SPTBN5: variants seen among roughly 807,000 people sequenced by gnomAD.
The protein encoded by SPTBN5 is spectrin beta chain, non-erythrocytic 5.
SPTBN5 carries 513 observed loss-of-function variants against 477.6 expected under a neutral mutation model. The ratio of observed to expected loss-of-function variants is 1.07; its 90% CI spans 1.00 to 1.16. SPTBN5 has a LOEUF of 1.16. SPTBN5 is among the 50% of genes most tolerant of loss of function. The probability of loss-of-function intolerance (pLI) is 0.00; values close to 1 mark genes in which losing one functional copy is unlikely to be tolerated. For missense variants in SPTBN5, 5,062 were observed against 4,731.8 expected (o/e 1.07, Z -2.05); for synonymous variants, 2,169 against 2,011.7 (o/e 1.08, Z -2.09).
Position 41,883,116 on chromosome 15 carries a change from T to C in SPTBN5, c.1772A>G (p.His591Arg), listed in dbSNP as rs2067030693. The C allele has an allele frequency of 1.9e-6, 3 of 1,611,970 alleles. No homozygotes were observed. The highest frequency in any genetic ancestry group is 2.5e-6 in the Non-Finnish European group (3 of 1,179,418). ...QVSAHGAHVS[H>R]LAQQTAELDS... is the part of the protein sequence containing the mutation. ...CAGCTCTGCTGTCTGCTGAGCAAGA[T>C]GGCTCACATGGGCTCCGTGGGCCGA... Residue 591 changes from histidine (H) to arginine (R), a missense_variant, in exon 9 of 68, where the codon CAT (histidine) becomes CGT (arginine). Physicochemically the swap from His to Arg is conservative, Grantham distance 29 (BLOSUM62 0). Coordinates refer to ENST00000320955, the MANE Select transcript of SPTBN5 (RefSeq NM_016642.4).
chr15:41,861,419 C>T lies in SPTBN5; in HGVS notation c.7815G>A (p.Trp2605Ter), dbSNP rs199711572. The change falls in exon 46 of 68, where the codon TGG becomes TGA. Residue 2605 changes from tryptophan to a stop codon, truncating the protein, a stop_gained and splice_region_variant. Coordinates refer to ENST00000320955, the MANE Select transcript of SPTBN5 (RefSeq NM_016642.4). LOFTEE classifies it high-confidence loss of function. ...KEDSLASEGLWDPLAPMEPLL... is the reference protein window; with the variant it reads ...KEDSLASEGL ...CTGCCCATTCCTGCTGGGCACCTACCCATAGACCCTCACTGGCTAGGGAGT... is the reference window on the plus strand; with the variant it reads ...CTGCCCATTCCTGCTGGGCACCTACTCATAGACCCTCACTGGCTAGGGAGT... 5.4e-4 allele frequency: 877 copies of T among 1,613,140 alleles called. 2 individuals are homozygous for T. Among genetic ancestry groups the T allele is most frequent in the Non-Finnish European group, 5.9e-4 (693 of 1,179,482 alleles).
chr15:41,893,101 C>T, intron 2 of SPTBN5, 40 bp from the exon 3 acceptor site: 10 of 1,597,222 alleles, frequency 6.3e-6, no homozygotes, highest in Non-Finnish European at 8.5e-6. Context: ...TCAGCCCAGC[C>T]TCACCTGTCC....
Position 41,870,324 on chromosome 15 carries a change from C to T in SPTBN5, c.5592G>A (p.Val1864=). Reference sequence around the variant, plus strand: ...CCTCCAGCCCACACAGGTCCCGTGCCACATTGTTGGGGAGGCTCGTGGCTT... The same window carrying T: ...CCTCCAGCCCACACAGGTCCCGTGCTACATTGTTGGGGAGGCTCGTGGCTT... ...QEKATSLPNN[V]ARDLCGLEAQ... The change falls in exon 31 of 68, where the codon GTG becomes GTA. Residue 1864 remains valine, a synonymous_variant. Transcript: ENST00000320955. The T allele has an allele frequency of 6.4e-7, 1 of 1,568,754 alleles. No individual in the cohort carries two copies. Among genetic ancestry groups the T allele is most frequent in the Non-Finnish European group, 8.6e-7 (1 of 1,156,986 alleles).
rs1410150541 is a variant in SPTBN5, at chr15:41,868,611, G to A, written c.5854-10C>T. On this transcript the variant is annotated splice_polypyrimidine_tract_variant and intron_variant, in intron 32 of 67. Transcript: ENST00000320955. ...AGGCATAGTCACGCACCTGATCCCG[G>A]GGACACGGAGGGAGAGCCGGGTGAG... 3 of 1,596,558 alleles carry A rather than the reference G, an allele frequency of 1.9e-6. No homozygotes were observed. The highest frequency in any genetic ancestry group is 3.3e-5 in the Admixed American group (2 of 59,940).
chr15:41,861,854 C>G lies in SPTBN5; in HGVS notation c.7618G>C (p.Gly2540Arg). ...CGAATGTCGGAGCTGAAGGGGTGCC[C>G]CGCTGTGAGCAGTTGCTGCCCAGTG... The part of the protein sequence containing the change: ...RSTGQQLLTA[G>R]HPFSSDIRQV... The change falls in exon 45 of 68, where the codon GGG becomes CGG. Residue 2540 changes from glycine (G) to arginine (R), a missense_variant. By Grantham distance (125) the Gly-to-Arg change is moderately radical (BLOSUM62 -2). Transcript: ENST00000320955. 6.2e-7 allele frequency: 1 copy of G among 1,607,974 alleles called. No individual in the cohort carries two copies. The highest frequency in any genetic ancestry group is 8.5e-7 in the Non-Finnish European group (1 of 1,179,436).
chr15:41,892,299 A>C (rs1595521338), intron 3 of SPTBN5, among the ~76,000 whole-genome samples: 2 of 148,806 alleles, frequency 1.3e-5, no homozygotes, highest in African/African-American at 2.5e-5. Context: ...CCTTTGCCCC[A>C]CCCCACCCCT....
In SPTBN5 at chr15:41,853,398, C is replaced by G. The variant is rs2065837331; in HGVS notation, c.10030G>C (p.Glu3344Gln). 1 of 1,606,644 alleles carries G rather than the reference C, an allele frequency of 6.2e-7. No homozygotes were observed. The change falls in exon 59 of 68, where the codon GAG becomes CAG. Residue 3344 changes from glutamate to glutamine, a missense_variant. By Grantham distance (29) the Glu-to-Gln change is conservative (BLOSUM62 2). Coordinates refer to ENST00000320955, the MANE Select transcript of SPTBN5 (RefSeq NM_016642.4). ...QELASSEELA[E>Q]DVAGAEQLLG... ...AGCTGCTCAGCCCCCGCCACGTCCT[C>G]AGCCAGCTCCTCGGAGGACGCCAGC...
rs1340006377 is a variant in SPTBN5, at chr15:41,892,893, C to T, written c.384+1G>A. The T allele has an allele frequency of 6.3e-7, 1 of 1,598,360 alleles. No individual in the cohort carries two copies. ...CCCAGACCCCTTTCCCTGGGGCCCA[C>T]CTTGGCCCTGAGGAAGGCCAGAGCT... On this transcript the variant is annotated splice_donor_variant, in intron 3 of 67. Transcript: ENST00000320955. LOFTEE classifies it high-confidence loss of function.
At chr15:41,849,988 G>A (rs540283992) in intron 66 of SPTBN5, 29 bp from the exon 67 acceptor site, 178 of 1,542,474 alleles carry the variant, frequency 1.2e-4, no homozygotes, top group Non-Finnish European at 1.5e-4. Flanking sequence ...ACCACTGTTA[G>A]CCCGGCCCAG....
rs1244776886 is a variant in SPTBN5 at position 41,852,720 on chromosome 15, C to T, written c.10363G>A (p.Val3455Met). ...KPDYGHSVSD[V>M]ELLLHRHQDL... ...TGGTGTCTGTGCAGCAGCAACTCCA[C>T]ATCTGACACTGAGTGCTGGGGAGAA... Residue 3455 changes from valine to methionine, a missense_variant, in exon 61 of 68, where the codon GTG (valine) becomes ATG (methionine). Transcript: ENST00000320955. The T allele has an allele frequency of 4.3e-6, 7 of 1,613,168 alleles. No individual in the cohort carries two copies. In the Admixed American group the frequency reaches 1.0e-4, roughly 23 times the overall value.
intron 4 of SPTBN5, among the ~76,000 whole-genome samples, chr15:41,888,319 C>T (rs2067216673): frequency 1.3e-5 from 2 of 152,230 alleles, no homozygotes; most frequent in African/African-American, 2.4e-5. Flanking sequence ...AGGGAAAAGC[C>T]GTCACTGCAG....
rs535059961 is a variant in SPTBN5 at position 41,851,098 on chromosome 15, A to G, written c.10796T>C (p.Leu3599Pro). The change falls in exon 65 of 68, where the codon CTG becomes CCG. Residue 3599 changes from leucine to proline, a missense_variant. By Grantham distance (98) the Leu-to-Pro change is moderately conservative. Coordinates refer to ENST00000320955, the MANE Select transcript of SPTBN5 (RefSeq NM_016642.4). ...GTGTTTCCTGCCGTGGCGGCCCCGC[A>G]GCCTCTCACACCGGGCTCCCGTGAG... is the stretch of plus-strand genomic sequence containing the variant. ...LDLTGARCER[L>P]RGRHGRKHTF... 1 of 1,613,144 alleles carries G rather than the reference A, an allele frequency of 6.2e-7. No homozygotes were observed. Among genetic ancestry groups the G allele is most frequent in the African/African-American group, 1.3e-5 (1 of 75,068 alleles).
Position 41,879,339 on chromosome 15 carries a change from A to G in SPTBN5, c.3103T>C (p.Cys1035Arg), listed in dbSNP as rs1197683. Residue 1035 changes from cysteine (C) to arginine (R), a missense_variant, in exon 16 of 68, where the codon TGC (cysteine) becomes CGC (arginine). By Grantham distance (180) the Cys-to-Arg change is radical. Transcript: ENST00000320955. ...TTCTGGGCCAGCTGCAGGGCGTGGC[A>G]GGTGTCCTCTGAGCTCCCTGGCTGC... ...ALQPGSSEDTCHALQLAQKKT... is the reference protein window; with the variant it reads ...ALQPGSSEDTRHALQLAQKKT... 1,381,913 of 1,610,620 alleles carry G rather than the reference A, an allele frequency of 0.86. 593,910 individuals are homozygous for G. The highest frequency in any genetic ancestry group is 0.99 in the East Asian group (44,347 of 44,870).
At chr15:41,857,827 A>G (rs2065973473) in intron 49 of SPTBN5, 117 bp from the exon 50 acceptor site, 2 of 1,258,878 alleles carry the variant, frequency 1.6e-6, no homozygotes, top group Non-Finnish European at 2.1e-6. Context: ...CAGCTGCATG[A>G]TCTTGAGCAA....
In SPTBN5 at chr15:41,855,695, G is replaced by C. The variant is rs56199567; in HGVS notation, c.9072C>G (p.Ser3024Arg). ...CTTCAGCACTGTGGCCCATGTCCTC[G>C]CTGTCCAGGACATGGCCCCGCTCAG... is the stretch of plus-strand genomic sequence containing the variant. ...WLAERGHVLD[S>R]EDMGHSAEAT... The change falls in exon 54 of 68, where the codon AGC becomes AGG. Residue 3024 changes from serine to arginine, a missense_variant. Ser to Arg is a moderately radical substitution (Grantham distance 110, BLOSUM62 -1). Transcript: ENST00000320955. 1 of 1,600,850 alleles carries C rather than the reference G, an allele frequency of 6.2e-7. No individual in the cohort carries two copies. The highest frequency in any genetic ancestry group is 8.5e-7 in the Non-Finnish European group (1 of 1,175,978).
chr15:41,879,185 C>T (rs1253439212), intron 16 of SPTBN5, 75 bp downstream of exon 16: 8 of 1,523,572 alleles, frequency 5.3e-6, no homozygotes, highest in Non-Finnish European at 6.2e-6. Flanking sequence ...TCTGTCCCTT[C>T]CTCATTCCAC....
At chr15:41,872,226 G>C (rs1460595128) in intron 27 of SPTBN5, 76 bp downstream of exon 27, 1 of 1,518,856 alleles carries the variant, frequency 6.6e-7, no homozygotes, top group African/African-American at 1.4e-5. Context: ...GATTGACTTT[G>C]GGCCATGGCA....
chr15:41,865,723 C>T, intron 39 of SPTBN5, 85 bp downstream of exon 39: 1 of 1,301,168 alleles, frequency 7.7e-7, no homozygotes, highest in Admixed American at 2.1e-5. Context: ...ACGCCCTGCT[C>T]TACAGCCCAC....
Position 41,860,660 on chromosome 15 carries a change from C to T in SPTBN5, c.7914G>A (p.Thr2638=), listed in dbSNP as rs750793938. The change falls in exon 47 of 68, where the codon ACG becomes ACA. Residue 2638 remains threonine, a synonymous_variant. Transcript: ENST00000320955. Reference sequence around the variant, plus strand: ...GCCCACCCTGGTGCAGGCCGCGGGCCGTGGCCTCCAGAGCACTGATCTTTC... The same window carrying T: ...GCCCACCCTGGTGCAGGCCGCGGGCTGTGGCCTCCAGAGCACTGATCTTTC... The part of the protein sequence containing the change: ...QAGKISALEA[T]ARGLHQGGHP... 6.5e-5 allele frequency: 102 copies of T among 1,565,526 alleles called. No individual in the cohort carries two copies. The highest frequency in any genetic ancestry group is 5.0e-4 in the Admixed American group (27 of 53,538).
Sources: allele counts gnomAD v4.1 joint callset (sites outside exome capture counted in the v4.1 genomes callset), GRCh38; gene constraint gnomAD v4.1.1; transcripts MANE v1.5; gene names NCBI Gene and HGNC (gene_info 2026-07-23, HGNC 2026-07-21).